NEK1: variants seen among roughly 807,000 people sequenced by gnomAD.
NEK1 encodes NIMA related kinase 1.
NEK1 carries 137 observed loss-of-function variants against 182.1 expected under a neutral mutation model. The observed-to-expected ratio is 0.75, with a 90% CI of 0.65 to 0.87. The LOEUF is 0.87. NEK1 is among the 40% of genes least tolerant of loss of function. The pLI is 0.00. For missense variants in NEK1, 1,391 were observed against 1,494.4 expected (o/e 0.93, Z 1.14); for synonymous variants, 513 against 492.2 (o/e 1.04, Z -0.56).
intron 12 of NEK1, among the ~76,000 whole-genome samples, chr4:169,566,999 G>A (rs944421498): frequency 6.6e-6 from 1 of 151,996 alleles, no homozygotes; most frequent in Non-Finnish European, 1.5e-5. Context: ...GGAGGCAGAG[G>A]TGATTGCTTG....
chr4:169,471,371 A>G (rs1745928447), intron 26 of NEK1, among the ~76,000 whole-genome samples: 2 of 152,162 alleles, frequency 1.3e-5, no homozygotes, highest in African/African-American at 2.4e-5. Flanking sequence ...TCCTTCTAAC[A>G]GTCAGGCCCC....
intron 18 of NEK1, among the ~76,000 whole-genome samples, chr4:169,548,531 A>C (rs1435767969): frequency 6.6e-6 from 1 of 152,238 alleles, no homozygotes; most frequent in African/African-American, 2.4e-5. Context: ...AGAGCTGCCA[A>C]GCAGGGATGT....
rs146090940 is a variant in NEK1 at position 169,447,060 on chromosome 4, A to G, written c.2588-8801T>C. Among the ~76,000 whole-genome samples the G allele has an allele frequency of 7.2e-5, 11 of 152,316 alleles. No individual in the cohort carries two copies. The East Asian group carries it at 1.9e-3, about 27-fold the overall frequency. On this transcript the variant is annotated intron_variant, in intron 27 of 35. Transcript: ENST00000507142. ...ATGTCAGAGAACTTCCTGAACCTAG[A>G]AAAAGATACCAATATTCAACTACAA...
intron 30 of NEK1, among the ~76,000 whole-genome samples, chr4:169,425,659 C>T (rs1212633189): frequency 2.0e-5 from 3 of 152,020 alleles, no homozygotes; most frequent in African/African-American, 7.2e-5. Context: ...GATGAGACTA[C>T]AGGCATGCCA....
intron 27 of NEK1, among the ~76,000 whole-genome samples, chr4:169,447,417 T>C (rs1740781301): frequency 6.6e-6 from 1 of 152,132 alleles, no homozygotes; most frequent in Non-Finnish European, 1.5e-5. Flanking sequence ...TAAAAGGAGT[T>C]CTTTAATATG....
intron 27 of NEK1, among the ~76,000 whole-genome samples, chr4:169,454,015 A>G (rs1490078211): frequency 6.6e-6 from 1 of 152,214 alleles, no homozygotes; most frequent in Admixed American, 6.5e-5. Context: ...GAGGCTTCAG[A>G]AATAATGCCA....
chr4:169,396,150 GAGGTC>G (rs1730649345), intron 35 of NEK1, among the ~76,000 whole-genome samples: 1 of 151,942 alleles, frequency 6.6e-6, no homozygotes, highest in Non-Finnish European at 1.5e-5. Flanking sequence ...CAGATCACCT[GAGGTC>G]AGGAGTTTGA....
At chr4:169,463,462 ATTTTGAGTC>A (rs2149502031) in intron 26 of NEK1, 67 bp from the exon 27 acceptor site, 4 of 1,192,768 alleles carry the variant, frequency 3.4e-6, no homozygotes, top group Non-Finnish European at 4.6e-6. Context: ...GGTAAGGCAG[ATTTTGAGTC>A]TTTTATCCAA....
rs375686118 is a variant in NEK1, at chr4:169,424,632, T to C, written c.3143A>G (p.His1048Arg). The C allele has an allele frequency of 1.9e-5, 30 of 1,613,734 alleles. No individual in the cohort carries two copies. The highest frequency in any genetic ancestry group is 2.5e-5 in the Non-Finnish European group (29 of 1,179,714). The part of the protein sequence containing the change: ...EESFAFRSHS[H>R]LPPKNKNKNS... ...CTTGTTTTTATTTTTTGGTGGTAAA[T>C]GCGAGTGAGATCGAAATGCAAAGGA... The change falls in exon 31 of 36, where the codon CAT becomes CGT. Residue 1048 changes from histidine to arginine, a missense_variant. Coordinates refer to ENST00000507142, the MANE Select transcript of NEK1 (RefSeq NM_001199397.3).
intron 18 of NEK1, among the ~76,000 whole-genome samples, chr4:169,540,251 A>T (rs1030342485): frequency 9.2e-5 from 14 of 152,182 alleles, no homozygotes; most frequent in African/African-American, 3.4e-4. Context: ...AAAAGATATA[A>T]AGATGAATAA....
chr4:169,405,230 C>T (rs577686926), intron 32 of NEK1, among the ~76,000 whole-genome samples: 1 of 152,302 alleles, frequency 6.6e-6, no homozygotes, highest in South Asian at 2.1e-4. Context: ...CATACCTAGG[C>T]TACAAAGTAG....
At chr4:169,472,056 G>A (rs1337078041) in intron 26 of NEK1, among the ~76,000 whole-genome samples, 1 of 152,090 alleles carries the variant, frequency 6.6e-6, no homozygotes, top group Non-Finnish European at 1.5e-5. Flanking sequence ...GCTCCGTGGG[G>A]GTGGGATCCG....
At position 169,477,366 on chromosome 4, in the gene NEK1, C is replaced by T; in HGVS notation, c.2206-14G>A. ...TTCTCGCTTACTCTGAAAGTCACGA[C>T]ATTATATATTTTAATATGTATATCA... On this transcript the variant is annotated splice_polypyrimidine_tract_variant and intron_variant, in intron 25 of 35. Transcript: ENST00000507142. 1.9e-6 allele frequency: 3 copies of T among 1,556,800 alleles called. No individual in the cohort carries two copies. The highest frequency in any genetic ancestry group is 2.6e-6 in the Non-Finnish European group (3 of 1,148,632).
At chr4:169,501,242 T>C (rs753357967) in intron 23 of NEK1, among the ~76,000 whole-genome samples, 5 of 152,176 alleles carry the variant, frequency 3.3e-5, no homozygotes, top group Non-Finnish European at 7.3e-5. Context: ...TTGAGGACCC[T>C]GATTTATAAA....
intron 19 of NEK1, among the ~76,000 whole-genome samples, chr4:169,519,604 A>T (rs1452213547): frequency 2.9e-5 from 3 of 102,544 alleles, no homozygotes; most frequent in Non-Finnish European, 6.0e-5. Context: ...CCTAGTCTTG[A>T]TGGTCTTTAC....
At chr4:169,496,833 G>A (rs1182929412) in intron 23 of NEK1, among the ~76,000 whole-genome samples, 12 of 152,000 alleles carry the variant, frequency 7.9e-5, no homozygotes, top group Admixed American at 2.0e-4. Flanking sequence ...TTTTTACATC[G>A]ATGTTCATCA....
At chr4:169,464,983 T>C (rs1579898141) in intron 26 of NEK1, among the ~76,000 whole-genome samples, 2 of 152,048 alleles carry the variant, frequency 1.3e-5, no homozygotes, top group East Asian at 3.9e-4. Flanking sequence ...AGTATACAGG[T>C]ACCTAGTAGT....
chr4:169,455,079 A>C (rs1338435036), intron 27 of NEK1, among the ~76,000 whole-genome samples: 2 of 152,222 alleles, frequency 1.3e-5, no homozygotes, highest in African/African-American at 2.4e-5. Flanking sequence ...TCACAAGGAC[A>C]GAAAACCAAA....
At chr4:169,407,372 G>A (rs1732832444) in intron 31 of NEK1, among the ~76,000 whole-genome samples, 1 of 152,192 alleles carries the variant, frequency 6.6e-6, no homozygotes, top group Admixed American at 6.5e-5. Context: ...GAAATGAGGG[G>A]CCTCAAATCA....
Sources: gnomAD v4.1 joint callset for allele counts (sites outside exome capture counted in the v4.1 genomes callset) on GRCh38, gnomAD v4.1.1 for gene constraint, MANE v1.5 for transcripts, NCBI Gene and HGNC (gene_info 2026-07-23, HGNC 2026-07-21) for gene names.